SNTG1: variants seen among roughly 807,000 people sequenced by gnomAD.
The protein encoded by SNTG1 is gamma-1-syntrophin.
A neutral mutation model predicts 74.7 loss-of-function variants in SNTG1; 39 were observed. The observed-to-expected ratio is 0.52, with a 90% CI of 0.40 to 0.68. SNTG1 has a LOEUF of 0.68. Ranked by LOEUF, SNTG1 falls within the 30% of genes least tolerant of loss-of-function variation. The pLI, the probability that SNTG1 is intolerant of heterozygous loss-of-function variation, is 0.00. For synonymous variants in SNTG1, 254 were observed against 217.1 expected (o/e 1.17, Z -1.49); for missense variants, 685 against 609.5 (o/e 1.12, Z -1.30).
chr8:50,558,508 A>G (rs1028200792), intron 12 of SNTG1, among the ~76,000 whole-genome samples: 1 of 152,240 alleles, frequency 6.6e-6, no homozygotes, highest in Non-Finnish European at 1.5e-5. Flanking sequence ...ATTAATCATT[A>G]TTCAATTTTT....
At chr8:50,491,044 A>C (rs369674056) in intron 8 of SNTG1, 1 of 152,986 alleles carries the variant, frequency 6.5e-6, no homozygotes, top group Admixed American at 6.5e-5. Context: ...GAAACCTTGG[A>C]CACAGAGAGC....
chr8:49,994,085 G>T (rs1465509575), intron 1 of SNTG1, among the ~76,000 whole-genome samples: 2 of 151,956 alleles, frequency 1.3e-5, no homozygotes, highest in Non-Finnish European at 2.9e-5. Flanking sequence ...TTTTTAAATT[G>T]TGATGGGTGT....
chr8:50,366,331 T>A (rs190450701), intron 2 of SNTG1, among the ~76,000 whole-genome samples: 1 of 152,302 alleles, frequency 6.6e-6, no homozygotes, highest in Admixed American at 6.5e-5. Context: ...CAGAACTGCA[T>A]CTTTACCCAA....
chr8:50,597,374 T>C (rs62516791), intron 13 of SNTG1, among the ~76,000 whole-genome samples: 3 of 69,476 alleles, frequency 4.3e-5, no homozygotes, highest in Admixed American at 3.5e-4. Flanking sequence ...TATACATGTA[T>C]ATATACACAT....
intron 1 of SNTG1, among the ~76,000 whole-genome samples, chr8:49,915,934 A>T (rs1426266539): frequency 6.6e-6 from 1 of 152,174 alleles, no homozygotes; most frequent in Non-Finnish European, 1.5e-5. Context: ...GCAGTATTTC[A>T]TTGCTTATTT....
chr8:50,247,282 C>T (rs906317376), intron 2 of SNTG1, among the ~76,000 whole-genome samples: 2 of 152,134 alleles, frequency 1.3e-5, no homozygotes, highest in African/African-American at 4.8e-5. Context: ...TCCCCATAAA[C>T]TGTTCATAAA....
In SNTG1 at chr8:50,658,658, C is replaced by A; in HGVS notation, c.1033C>A (p.Leu345Ile). Residue 345 changes from leucine to isoleucine, a missense_variant, in exon 15 of 19, where the codon CTC becomes ATC. By Grantham distance (5) the Leu-to-Ile change is conservative. Transcript: ENST00000642720. ...FSVYEIMCKILKDSDLLDRRK... is the reference protein window; with the variant it reads ...FSVYEIMCKIIKDSDLLDRRK... ...AGTTTATGAGATTATGTGCAAGATCCTCAAGGTATGATCAATATGTAGTCA... is the reference window on the plus strand; with the variant it reads ...AGTTTATGAGATTATGTGCAAGATCATCAAGGTATGATCAATATGTAGTCA... 6.2e-7 allele frequency: 1 copy of A among 1,608,388 alleles called. No homozygotes were observed. The highest frequency in any genetic ancestry group is 1.1e-5 in the South Asian group (1 of 90,752).
At chr8:50,275,038 A>G (rs2130343087) in intron 2 of SNTG1, among the ~76,000 whole-genome samples, 1 of 152,068 alleles carries the variant, frequency 6.6e-6, no homozygotes, top group East Asian at 1.9e-4. Context: ...TTTTTTTTAT[A>G]ATTCTTTATC....
intron 1 of SNTG1, among the ~76,000 whole-genome samples, chr8:49,988,405 G>C (rs977906175): frequency 6.6e-6 from 1 of 152,268 alleles, no homozygotes. Flanking sequence ...GATACACAGA[G>C]TAAAGAAGTG....
chr8:50,674,090 G>C (rs1282281460), intron 15 of SNTG1, among the ~76,000 whole-genome samples: 2 of 152,012 alleles, frequency 1.3e-5, no homozygotes, highest in African/African-American at 4.8e-5. Context: ...GTATTTTATT[G>C]AAGATTTCAC....
At chr8:50,576,425 A>AAGAT (rs2094577331) in intron 12 of SNTG1, among the ~76,000 whole-genome samples, 2 of 152,240 alleles carry the variant, frequency 1.3e-5, no homozygotes, top group African/African-American at 4.8e-5. Flanking sequence ...GTTCTTTGTT[A>AAGAT]AGATTGTTTT....
intron 1 of SNTG1, among the ~76,000 whole-genome samples, chr8:49,940,643 A>G (rs1259588425): frequency 2.0e-5 from 3 of 152,180 alleles, no homozygotes; most frequent in Admixed American, 6.5e-5. Flanking sequence ...CGTTTTGTAA[A>G]TACTTATTGA....
intron 1 of SNTG1, among the ~76,000 whole-genome samples, chr8:49,956,859 T>C (rs910309062): frequency 1.3e-5 from 2 of 152,140 alleles, no homozygotes; most frequent in African/African-American, 4.8e-5. Flanking sequence ...GTCTCTCTCT[T>C]TTTTAAAGAT....
intron 2 of SNTG1, among the ~76,000 whole-genome samples, chr8:50,240,536 C>T (rs2086118871): frequency 6.6e-6 from 1 of 152,140 alleles, no homozygotes; most frequent in South Asian, 2.1e-4. Context: ...AAACCTATCA[C>T]AAGATTTTAT....
At position 50,395,483 on chromosome 8, in the gene SNTG1, T is replaced by A. The variant is rs573965848; in HGVS notation, c.27+1218T>A. On this transcript the variant is annotated intron_variant, in intron 3 of 18. Coordinates refer to ENST00000642720, the MANE Select transcript of SNTG1 (RefSeq NM_018967.5). The stretch of plus-strand genomic sequence containing the variant: ...TTAATGTTCTAGAAGCTTTGTATTT[T>A]AAATTTTAATTGTCTAATTTCTGTT... Among the ~76,000 whole-genome samples the A allele has an allele frequency of 1.0e-4, 15 of 150,344 alleles. No homozygotes were observed. In the Admixed American group the frequency reaches 1.0e-3, roughly 10 times the overall value.
At chr8:50,457,167 A>T (rs1479202828) in intron 8 of SNTG1, 2 of 152,192 alleles carry the variant, frequency 1.3e-5, no homozygotes, top group South Asian at 2.1e-4. Context: ...CTGAAGGATT[A>T]AGAGGTCGCA....
chr8:50,485,992 G>A (rs373335755), intron 8 of SNTG1, among the ~76,000 whole-genome samples: 19 of 151,886 alleles, frequency 1.3e-4, no homozygotes, highest in African/African-American at 1.7e-4. Context: ...GATATGCGGC[G>A]TTATTTCTGA....
chr8:50,162,291 G>A (rs1331574395), intron 1 of SNTG1, among the ~76,000 whole-genome samples: 1 of 152,128 alleles, frequency 6.6e-6, no homozygotes, highest in Non-Finnish European at 1.5e-5. Flanking sequence ...GGCCGTGCGC[G>A]GTGGCTCATG....
At chr8:49,978,519 A>C (rs774383365) in intron 1 of SNTG1, among the ~76,000 whole-genome samples, 2 of 152,156 alleles carry the variant, frequency 1.3e-5, no homozygotes, top group Non-Finnish European at 2.9e-5. Flanking sequence ...CGATCACTGA[A>C]GTGGCTCTGA....
Sources: gnomAD v4.1 joint callset for allele counts (sites outside exome capture counted in the v4.1 genomes callset) on GRCh38, gnomAD v4.1.1 for gene constraint, MANE v1.5 for transcripts, NCBI Gene and HGNC (gene_info 2026-07-23, HGNC 2026-07-21) for gene names.